LIN28A: variants seen among roughly 807,000 people sequenced by gnomAD.
LIN28A encodes the protein lin-28 RNA binding posttranscriptional regulator A.
A neutral mutation model predicts 21.1 loss-of-function variants in LIN28A; 11 were observed. The ratio of observed to expected loss-of-function variants is 0.52; its 90% CI spans 0.33 to 0.86. The LOEUF (loss-of-function observed/expected upper bound fraction) is 0.86, where lower values mean the gene tolerates loss of function less well. LIN28A is among the 40% of genes least tolerant of loss of function. The pLI, the probability that LIN28A is intolerant of heterozygous loss-of-function variation, is 0.03. For missense variants in LIN28A, 219 were observed against 279.8 expected, an observed-to-expected ratio of 0.78 and a Z score of 1.55; for synonymous variants, 111 against 108.7, an observed-to-expected ratio of 1.02 and a Z score of -0.13.
Position 26,411,640 on chromosome 1 carries a change from G to A in LIN28A, c.228+58G>A. The stretch of plus-strand genomic sequence containing the variant: ...AGGGCGTCTAGGCGCCCATATCCAC[G>A]GGTGGGCTCCGGGCTCGCAGTTGAA... On this transcript the variant is annotated intron_variant, in intron 2 of 3. Transcript: ENST00000326279. This position sits in a 1 kb window ranked among gnomAD's most constrained non-coding sequence, Gnocchi z 5.4. 1.9e-6 allele frequency: 3 copies of A among 1,547,842 alleles called. No homozygotes were observed. The South Asian group carries it at 3.5e-5, about 18-fold the overall frequency.
At chr1:26,425,776 G>A (rs1480747414) in intron 3 of LIN28A, among the ~76,000 whole-genome samples, 1 of 152,186 alleles carries the variant, frequency 6.6e-6, no homozygotes, top group African/African-American at 2.4e-5. Flanking sequence ...AATTAAAGGA[G>A]ATCATAGATT....
At chr1:26,424,540 G>A (rs958888296) in intron 2 of LIN28A, among the ~76,000 whole-genome samples, 1 of 152,212 alleles carries the variant, frequency 6.6e-6, no homozygotes, top group African/African-American at 2.4e-5. Flanking sequence ...GTGTGTGGCT[G>A]AGCCACCATG....
chr1:26,413,810 T>C (rs1002868542), intron 2 of LIN28A, among the ~76,000 whole-genome samples: 4 of 149,106 alleles, frequency 2.7e-5, no homozygotes, highest in African/African-American at 1.0e-4. Context: ...TGTTTGTTTG[T>C]TTGTTTGTTT....
intron 2 of LIN28A, among the ~76,000 whole-genome samples, chr1:26,424,102 T>G (rs1028770423): frequency 2.0e-5 from 3 of 151,854 alleles, no homozygotes; most frequent in African/African-American, 7.3e-5. Flanking sequence ...CATATTGCTT[T>G]GATTATAAAA....
At position 26,426,780 on chromosome 1, in the gene LIN28A, T is replaced by C. The variant is rs191136486; in HGVS notation, c.*322T>C. On this transcript the variant is annotated 3_prime_UTR_variant, in exon 4 of 4. Transcript: ENST00000326279. ...GGCCTGGATAGGGAAGTTGTTTTCC[T>C]TTTAAAGAAGGATATATAATAATTC... is the stretch of plus-strand genomic sequence containing the variant. 257 of 308,198 alleles carry C rather than the reference T, an allele frequency of 8.3e-4. No individual in the cohort carries two copies. The highest frequency in any genetic ancestry group is 5.1e-3 in the African/African-American group (241 of 46,906). 19.1% of individuals were successfully genotyped at this position (308,198 alleles called of 1,614,324 possible).
Position 26,412,641 on chromosome 1 carries a change from G to A in LIN28A, c.228+1059G>A, listed in dbSNP as rs185470685. Among the ~76,000 whole-genome samples the A allele has an allele frequency of 1.7e-3, 255 of 152,212 alleles. 1 individual carries two copies. Among genetic ancestry groups the A allele is most frequent in the Non-Finnish European group, 3.2e-3 (217 of 67,980 alleles). On this transcript the variant is annotated intron_variant, in intron 2 of 3. Transcript: ENST00000326279. ...TGTAGGTTGACACCCAGGCCGGGCA[G>A]GGAGGGGTTACTTAAGGGAGGTTGG...
At chr1:26,421,217 C>T (rs905124591) in intron 2 of LIN28A, among the ~76,000 whole-genome samples, 12 of 152,120 alleles carry the variant, frequency 7.9e-5, no homozygotes. Context: ...AAAAATCTGC[C>T]TCCTGTTTCA....
intron 2 of LIN28A, among the ~76,000 whole-genome samples, chr1:26,416,644 ATCTC>A (rs950889837): frequency 4.0e-5 from 6 of 150,886 alleles, no homozygotes; most frequent in African/African-American, 1.5e-4. Context: ...TTGAGACGGA[ATCTC>A]TCTCTGTTGC....
intron 2 of LIN28A, among the ~76,000 whole-genome samples, chr1:26,416,114 T>C (rs2074991635): frequency 1.3e-5 from 2 of 152,060 alleles, no homozygotes; most frequent in East Asian, 1.9e-4. Context: ...TGCCTCAGCC[T>C]CCCAAGTAGC....
rs1432221570 is a variant in LIN28A, at chr1:26,429,494, T to C, written c.*3036T>C. 6.6e-6 allele frequency: 1 copy of C among 152,610 alleles called. No individual in the cohort carries two copies. The highest frequency in any genetic ancestry group is 1.5e-5 in the Non-Finnish European group (1 of 68,044). The allele number at this position is 152,610 out of a possible 1,614,324, so 9.5% of individuals were successfully genotyped here. ...GAGGGTAGGAAAGCCTGTACCTGTC[T>C]GTTTTTTTCCTGATCCTTTTCCCTC... On this transcript the variant is annotated 3_prime_UTR_variant, in exon 4 of 4. Coordinates refer to ENST00000326279, the MANE Select transcript of LIN28A (RefSeq NM_024674.6).
chr1:26,425,536 C>A, intron 3 of LIN28A, 49 bp downstream of exon 3: 1 of 1,533,318 alleles, frequency 6.5e-7, no homozygotes, highest in South Asian at 1.2e-5. Context: ...CATCCCCAGT[C>A]TCCCAATCCT....
chr1:26,417,181 C>G (rs2074998929), intron 2 of LIN28A, among the ~76,000 whole-genome samples: 1 of 152,198 alleles, frequency 6.6e-6, no homozygotes, highest in South Asian at 2.1e-4. Flanking sequence ...CGCCCTCGGG[C>G]TTACCTTTGG....
chr1:26,426,754 T>C lies in LIN28A; in HGVS notation c.*296T>C. On this transcript the variant is annotated 3_prime_UTR_variant, in exon 4 of 4. Coordinates refer to ENST00000326279, the MANE Select transcript of LIN28A (RefSeq NM_024674.6). ...CCCCAGAATTTCCAGCTTTTGAAAG[T>C]GGCCTGGATAGGGAAGTTGTTTTCC... 2.7e-6 allele frequency: 1 copy of C among 373,948 alleles called. No individual in the cohort carries two copies. The highest frequency in any genetic ancestry group is 5.0e-6 in the Non-Finnish European group (1 of 198,548). 23.2% of individuals were successfully genotyped at this position (373,948 alleles called of 1,614,324 possible).
chr1:26,415,411 G>T (rs1419112894), intron 2 of LIN28A, among the ~76,000 whole-genome samples: 1 of 152,130 alleles, frequency 6.6e-6, no homozygotes, highest in Admixed American at 6.6e-5. Flanking sequence ...CTGCACCTCT[G>T]ATTACTCACC....
At chr1:26,415,687 TGGGCACAACATAGAATATGGC>T (rs1411730650) in intron 2 of LIN28A, among the ~76,000 whole-genome samples, 1 of 50,884 alleles carries the variant, frequency 2.0e-5, no homozygotes, top group Non-Finnish European at 7.1e-5. Context: ...CTTTCTGGGC[TGGGCACAACATAGAATATGGC>T]CTGGGCACAA....
At chr1:26,423,413 C>T (rs1014146069) in intron 2 of LIN28A, among the ~76,000 whole-genome samples, 17 of 78,818 alleles carry the variant, frequency 2.2e-4, no homozygotes, top group South Asian at 5.6e-4. Context: ...TTTTCTTTTT[C>T]TTTTTTTTTT....
chr1:26,419,740 G>T (rs2075017641), intron 2 of LIN28A, among the ~76,000 whole-genome samples: 2 of 152,174 alleles, frequency 1.3e-5, no homozygotes, highest in South Asian at 4.1e-4. Context: ...GGAGGGAACA[G>T]GCCATCAGAC....
chr1:26,415,757 A>G (rs1557761136), intron 2 of LIN28A, among the ~76,000 whole-genome samples: 1 of 152,150 alleles, frequency 6.6e-6, no homozygotes, highest in African/African-American at 2.4e-5. Context: ...ATATGGGTAG[A>G]TCACCACTCG....
At chr1:26,422,834 C>A (rs2075035125) in intron 2 of LIN28A, among the ~76,000 whole-genome samples, 1 of 152,128 alleles carries the variant, frequency 6.6e-6, no homozygotes, top group Admixed American at 6.5e-5. Context: ...ATCTTCCAAT[C>A]CAAGATCGTG....
Sources: allele counts gnomAD v4.1 joint callset (sites outside exome capture counted in the v4.1 genomes callset), GRCh38; gene constraint gnomAD v4.1.1; non-coding constraint Gnocchi (gnomAD v3.1); transcripts MANE v1.5; gene names NCBI Gene and HGNC (gene_info 2026-07-23, HGNC 2026-07-21).